TBL1XR1: variants seen among roughly 807,000 people sequenced by gnomAD.
TBL1XR1 encodes F-box-like/WD repeat-containing protein TBL1XR1.
TBL1XR1 carries 5 observed loss-of-function variants against 66.9 expected under a neutral mutation model. The observed-to-expected ratio is 0.07, with a 90% CI of 0.04 to 0.16. The LOEUF is 0.16. TBL1XR1 is among the 10% of genes least tolerant of loss of function. The probability of loss-of-function intolerance (pLI) is 1.00; values close to 1 mark genes in which losing one functional copy is unlikely to be tolerated. For synonymous variants in TBL1XR1, 210 were observed against 206.0 expected (o/e 1.02, Z -0.17); for missense variants, 238 against 623.2 (o/e 0.38, Z 6.58).
intron 2 of TBL1XR1, among the ~76,000 whole-genome samples, chr3:177,093,392 A>G (rs559585498): frequency 2.0e-5 from 3 of 152,346 alleles, no homozygotes; most frequent in Admixed American, 2.0e-4. Flanking sequence ...GAAAATGACC[A>G]CACTGCCAAA....
chr3:177,189,476 A>C (rs1445928106), intron 1 of TBL1XR1, among the ~76,000 whole-genome samples: 1 of 151,588 alleles, frequency 6.6e-6, no homozygotes, highest in Non-Finnish European at 1.5e-5. Flanking sequence ...AACATGGTGA[A>C]ACCCCATCTC....
rs1723784210 is a variant in TBL1XR1 at position 177,098,489 on chromosome 3, G to A, written c.-69C>T. ...ACCATTGGCAGTGCATTGATGTGGG[G>A]ATGTGCAACTGAATATCCGGTCACC... On this transcript the variant is annotated 5_prime_UTR_variant, in exon 2 of 16. Coordinates refer to ENST00000457928, the MANE Select transcript of TBL1XR1 (RefSeq NM_024665.7). 2.0e-6 allele frequency: 2 copies of A among 985,726 alleles called. No individual in the cohort carries two copies. The highest frequency in any genetic ancestry group is 2.4e-6 in the Non-Finnish European group (2 of 829,928). The allele number at this position is 985,726 out of a possible 1,614,324, so 61.1% of individuals were successfully genotyped here.
intron 2 of TBL1XR1, chr3:177,079,889 G>C (rs1721188514): frequency 6.6e-6 from 1 of 151,558 alleles, no homozygotes; most frequent in Non-Finnish European, 1.5e-5. Flanking sequence ...GTAATAGAAA[G>C]AGTCCTGGAC....
chr3:177,133,620 C>T (rs1728562262), intron 1 of TBL1XR1, among the ~76,000 whole-genome samples: 1 of 152,068 alleles, frequency 6.6e-6, no homozygotes, highest in Non-Finnish European at 1.5e-5. Flanking sequence ...ACACTCTATG[C>T]ACTAGGTGTG....
At position 177,019,985 on chromosome 3, in the gene TBL1XR1, TAAAA is replaced by T. The variant is rs11443749; in HGVS notation, c.*5509_*5512del. 7.1e-6 allele frequency: 1 copy of T among 141,322 alleles called. No homozygotes were observed. The highest frequency in any genetic ancestry group is 1.5e-5 in the Non-Finnish European group (1 of 64,798). The allele number at this position is 141,322 out of a possible 1,614,324, so 8.8% of individuals were successfully genotyped here. On this transcript the variant is annotated 3_prime_UTR_variant, in exon 16 of 16. Coordinates refer to ENST00000457928, the MANE Select transcript of TBL1XR1 (RefSeq NM_024665.7). ...AGAAGACCTAGAGAGTGTAAATTCT[TAAAA>T]AAAAAAAAAAGAAAATATGCTCAAT...
intron 1 of TBL1XR1, among the ~76,000 whole-genome samples, chr3:177,175,615 T>C (rs568317123): frequency 6.6e-6 from 1 of 152,222 alleles, no homozygotes; most frequent in African/African-American, 2.4e-5. Context: ...TAAAGAACAT[T>C]AGGTCCAGAA....
chr3:177,038,350 C>T lies in TBL1XR1; in HGVS notation c.1010G>A (p.Gly337Glu), dbSNP rs1180340380. 1 of 1,593,138 alleles carries T rather than the reference C, an allele frequency of 6.3e-7. No homozygotes were observed. Among genetic ancestry groups the T allele is most frequent in the Non-Finnish European group, 8.6e-7 (1 of 1,168,298 alleles). ...GAATGTTTTAATAGGTCTGTCTTGTCCTAATTTACAGACATGAATGCACAT... is the reference window on the plus strand; with the variant it reads ...GAATGTTTTAATAGGTCTGTCTTGTTCTAATTTACAGACATGAATGCACAT... ...TDMCIHVCKL[G>E]QDRPIKTFQG... Residue 337 changes from glycine (G) to glutamate (E), a missense_variant, in exon 11 of 16, where the codon GGA (glycine) becomes GAA (glutamate). Gly to Glu is a moderately conservative substitution (Grantham distance 98). Around this residue, in one of 8 missense-constraint regions of TBL1XR1, gnomAD observed 89 missense variants for 220.2 expected, o/e 0.40. Coordinates refer to ENST00000457928, the MANE Select transcript of TBL1XR1 (RefSeq NM_024665.7).
intron 14 of TBL1XR1, chr3:177,027,826 A>AT (rs1432674485): frequency 2.6e-5 from 4 of 152,154 alleles, no homozygotes; most frequent in Admixed American, 1.3e-4. Context: ...AAAATTTCTC[A>AT]TAATTTATGA....
intron 1 of TBL1XR1, among the ~76,000 whole-genome samples, chr3:177,109,588 C>T (rs541102224): frequency 2.6e-5 from 4 of 152,054 alleles, no homozygotes; most frequent in African/African-American, 7.2e-5. Flanking sequence ...CCCTTTACAT[C>T]GAGTTACTAT....
chr3:177,076,939 T>C (rs539960404), intron 2 of TBL1XR1, among the ~76,000 whole-genome samples: 1 of 152,324 alleles, frequency 6.6e-6, no homozygotes, highest in African/African-American at 2.4e-5. Flanking sequence ...ACACACTATA[T>C]CCAATCACAA....
chr3:177,045,866 A>G (rs1487041847), intron 10 of TBL1XR1, among the ~76,000 whole-genome samples: 2 of 152,128 alleles, frequency 1.3e-5, no homozygotes, highest in Admixed American at 6.6e-5. Context: ...TTTCTGATTC[A>G]AAAATCTATG....
intron 2 of TBL1XR1, among the ~76,000 whole-genome samples, chr3:177,095,961 A>G (rs1205273752): frequency 5.3e-5 from 8 of 152,210 alleles, no homozygotes; most frequent in Non-Finnish European, 1.5e-5. Context: ...ATATTTATAC[A>G]AGTATCAAAA....
At chr3:177,164,216 C>T (rs1026886697) in intron 1 of TBL1XR1, among the ~76,000 whole-genome samples, 1 of 152,162 alleles carries the variant, frequency 6.6e-6, no homozygotes, top group Non-Finnish European at 1.5e-5. Flanking sequence ...CCTGACTTGA[C>T]ATTAAAAACT....
chr3:177,156,285 A>G (rs955000409), intron 1 of TBL1XR1, among the ~76,000 whole-genome samples: 1 of 151,092 alleles, frequency 6.6e-6, no homozygotes, highest in East Asian at 1.9e-4. Context: ...CGGATCTGAC[A>G]TCAGGAGTTT....
At chr3:177,040,007 G>T (rs1466830591) in intron 10 of TBL1XR1, among the ~76,000 whole-genome samples, 2 of 152,092 alleles carry the variant, frequency 1.3e-5, no homozygotes, top group Admixed American at 6.6e-5. Context: ...CTAATTTAAA[G>T]AAAAAACTTA....
At chr3:177,166,611 A>T (rs1732854104) in intron 1 of TBL1XR1, among the ~76,000 whole-genome samples, 1 of 152,062 alleles carries the variant, frequency 6.6e-6, no homozygotes, top group Non-Finnish European at 1.5e-5. Flanking sequence ...GCCATGTTAG[A>T]AGTGCCTGCT....
intron 3 of TBL1XR1, among the ~76,000 whole-genome samples, chr3:177,061,104 A>G (rs1374824379): frequency 6.6e-6 from 1 of 152,146 alleles, no homozygotes; most frequent in Non-Finnish European, 1.5e-5. Flanking sequence ...GTTAATAAAA[A>G]CCCTACAATA....
Position 177,071,031 on chromosome 3 carries a change from G to GTTTTTTTTTTTTTTTTTTTTTTTTTTT in TBL1XR1, c.-45-6010_-45-6009insAAAAAAAAAAAAAAAAAAAAAAAAAAA, listed in dbSNP as rs764951521. 6.7e-5 allele frequency among the ~76,000 whole-genome samples: 7 copies of GTTTTTTTTTTTTTTTTTTTTTTTTTTT among 104,686 alleles called. 1 individual carries two copies. Among genetic ancestry groups the GTTTTTTTTTTTTTTTTTTTTTTTTTTT allele is most frequent in the African/African-American group, 2.7e-4 (7 of 25,846 alleles). The allele number at this position is 104,686 out of a possible 152,430, so 68.7% of individuals were successfully genotyped here. On this transcript the variant is annotated intron_variant, in intron 2 of 15. Transcript: ENST00000457928. ...TGGAACAGACATGTTCTGAGAATCT[G>GTTTTTTTTTTTTTTTTTTTTTTTTTTT]TTTTTTTTTTTTTTTTTGAGACAGA...
intron 14 of TBL1XR1, among the ~76,000 whole-genome samples, chr3:177,031,319 G>A (rs1411424654): frequency 6.6e-6 from 1 of 151,546 alleles, no homozygotes; most frequent in East Asian, 1.9e-4. Flanking sequence ...AATTAAAGCA[G>A]AACATTTTTA....
Sources: allele counts gnomAD v4.1 joint callset (sites outside exome capture counted in the v4.1 genomes callset), GRCh38; gene constraint gnomAD v4.1.1; regional missense constraint gnomAD v4.1.1; transcripts MANE v1.5; gene names NCBI Gene and HGNC (gene_info 2026-07-23, HGNC 2026-07-21).